The following SLC26A1 variants were observed in gnomAD, a reference collection of about 807,000 sequenced individuals.
SLC26A1 encodes solute carrier family 26 member 1, also known as sulfate anion transporter 1.
In SLC26A1, 18 loss-of-function variants were observed where a neutral mutation model predicts 14.5. The ratio of observed to expected loss-of-function variants is 1.24; its 90% confidence interval spans 0.86 to 1.84. The LOEUF (loss-of-function observed/expected upper bound fraction) is 1.84, where lower values mean the gene tolerates loss of function less well. SLC26A1 is among the 40% of genes most tolerant of loss of function. The probability of loss-of-function intolerance (pLI) is 0.00; values close to 1 mark genes in which losing one functional copy is unlikely to be tolerated. For missense variants in SLC26A1, 1,049 were observed against 1,020.0 expected, an observed-to-expected ratio of 1.03 and a Z score of -0.39; for synonymous variants, 505 against 492.0, an observed-to-expected ratio of 1.03 and a Z score of -0.35.
At position 989,921 on chromosome 4, in the gene SLC26A1, G is replaced by A. The variant is rs569131932; in HGVS notation, c.1018C>T (p.Arg340Cys). ...PQVPEPRLMQ[R>C]VALDAVALAL... ...AGGGCCACGGCATCCAAAGCCACAC[G>A]CTGCATCAGCCTGGGCTCTGGGACC... The change falls in exon 3 of 3, where the codon CGT becomes TGT. Residue 340 changes from arginine to cysteine, a missense_variant. Coordinates refer to ENST00000398516, the MANE Select transcript of SLC26A1 (RefSeq NM_022042.4). 5.5e-5 allele frequency: 86 copies of A among 1,559,650 alleles called. No individual in the cohort carries two copies. The East Asian group carries it at 1.7e-3, about 32-fold the overall frequency.
chr4:990,133 A>G lies in SLC26A1; in HGVS notation c.806T>C (p.Val269Ala), dbSNP rs1331401883. Residue 269 changes from valine to alanine, a missense_variant, in exon 3 of 3, where the codon GTG (valine) becomes GCG (alanine). By Grantham distance (64) the Val-to-Ala change is moderately conservative (BLOSUM62 0). Coordinates refer to ENST00000398516, the MANE Select transcript of SLC26A1 (RefSeq NM_022042.4). ...ANVCDVVTST[V>A]CLAVLLAAKE... Reference sequence around the variant, plus strand: ...CGCGGCTAGCAGCACCGCCAGGCACACCGTGCTGGTGACCACGTCGCACAC... The same window carrying G: ...CGCGGCTAGCAGCACCGCCAGGCACGCCGTGCTGGTGACCACGTCGCACAC... 3.2e-6 allele frequency: 5 copies of G among 1,572,972 alleles called. No individual in the cohort carries two copies. The highest frequency in any genetic ancestry group is 1.2e-5 in the South Asian group (1 of 85,958).
At position 990,149 on chromosome 4, in the gene SLC26A1, C is replaced by T. The variant is rs767213746; in HGVS notation, c.790G>A (p.Val264Met). ...RGAGQANVCD[V>M]VTSTVCLAVL... is the part of the protein sequence containing the mutation. ...GCCAGGCACACCGTGCTGGTGACCA[C>T]GTCGCACACGTTGGCCTGCCCGGCG... Residue 264 changes from valine (V) to methionine (M), a missense_variant, in exon 3 of 3, where the codon GTG (valine) becomes ATG (methionine). By Grantham distance (21) the Val-to-Met change is conservative. Coordinates refer to ENST00000398516, the MANE Select transcript of SLC26A1 (RefSeq NM_022042.4). 1.3e-5 allele frequency: 21 copies of T among 1,564,822 alleles called. No individual in the cohort carries two copies. Among genetic ancestry groups the T allele is most frequent in the African/African-American group, 5.4e-5 (4 of 73,918 alleles).
At position 991,289 on chromosome 4, in the gene SLC26A1, G is replaced by A. The variant is rs552862956; in HGVS notation, c.415C>T (p.Arg139Trp). The change falls in exon 2 of 3, where the codon CGG (arginine) becomes TGG (tryptophan). Residue 139 changes from arginine to tryptophan, a missense_variant. Physicochemically the swap from Arg to Trp is moderately radical, Grantham distance 101. Coordinates refer to ENST00000398516, the MANE Select transcript of SLC26A1 (RefSeq NM_022042.4). ...LCLMVGQVVD[R>W]ELQLAGFDPS... ...TCAAAGCCGGCCAGCTGGAGCTCCC[G>A]GTCCACCACCTGCCCCACCATGAGG... 2.9e-5 allele frequency: 46 copies of A among 1,612,558 alleles called. No homozygotes were observed. The highest frequency in any genetic ancestry group is 1.1e-4 in the East Asian group (5 of 44,884).
rs769929839 is a variant in SLC26A1, at chr4:989,035, C to T, written c.1904G>A (p.Arg635Gln). The change falls in exon 3 of 3, where the codon CGA (arginine) becomes CAA (glutamine). Residue 635 changes from arginine (R) to glutamine (Q), a missense_variant. Transcript: ENST00000398516. ...GCTGATGCCCAGGGCCCCGTAGTCTCGGCGCAGGTCCTGCAGCGTGCTCAC... is the reference window on the plus strand; with the variant it reads ...GCTGATGCCCAGGGCCCCGTAGTCTTGGCGCAGGTCCTGCAGCGTGCTCAC... ...AGVSTLQDLR[R>Q]DYGALGISLL... 11 of 1,580,846 alleles carry T rather than the reference C, an allele frequency of 7.0e-6. No individual in the cohort carries two copies. Among genetic ancestry groups the T allele is most frequent in the African/African-American group, 2.7e-5 (2 of 74,014 alleles).
chr4:983,659 T>A (rs1254520513), downstream of SLC26A1, among the ~76,000 whole-genome samples: 1 of 152,248 alleles, frequency 6.6e-6, no homozygotes, highest in Non-Finnish European at 1.5e-5. Context: ...CTCTGAAAGC[T>A]GCTGTGTCAC....
At chr4:980,137 C>T (rs1713494606) in intron 2 of SLC26A1, among the ~76,000 whole-genome samples, 2 of 152,168 alleles carry the variant, frequency 1.3e-5, no homozygotes, top group Middle Eastern at 3.2e-3. Flanking sequence ...CTTCCCTGGG[C>T]CCTGGGCTCG....
At chr4:987,272 T>A (rs1713806130), downstream of SLC26A1, 1 of 1,509,728 alleles carries the variant, frequency 6.6e-7, no homozygotes, top group Non-Finnish European at 8.8e-7. Context: ...CGGGACCCCC[T>A]GGCCGCACGG....
chr4:990,302 C>T lies in SLC26A1; in HGVS notation c.637G>A (p.Asp213Asn), dbSNP rs372848776. The T allele has an allele frequency of 3.5e-5, 56 of 1,604,606 alleles. 1 individual carries two copies. Among genetic ancestry groups the T allele is most frequent in the Middle Eastern group, 1.7e-4 (1 of 6,018 alleles). The change falls in exon 3 of 3, where the codon GAT (aspartate) becomes AAT (asparagine). Residue 213 changes from aspartate (D) to asparagine (N), a missense_variant. By Grantham distance (23) the Asp-to-Asn change is conservative. Transcript: ENST00000398516. ...VSAYLSQPLL[D>N]GFAMGASVTI... Reference sequence around the variant, plus strand: ...ACGGAGGCCCCCATGGCAAAGCCATCGAGCAGTGGCTGTGAGAGGTAGGCG... The same window carrying T: ...ACGGAGGCCCCCATGGCAAAGCCATTGAGCAGTGGCTGTGAGAGGTAGGCG...
At position 989,211 on chromosome 4, in the gene SLC26A1, C is replaced by G. The variant is rs1349632588; in HGVS notation, c.1728G>C (p.Gly576=). The change falls in exon 3 of 3, where the codon GGG becomes GGC. Residue 576 remains glycine (G), a synonymous_variant. Coordinates refer to ENST00000398516, the MANE Select transcript of SLC26A1 (RefSeq NM_022042.4). ...AGCMAARRKE[G]GSETGVGEGG... is the part of the protein sequence containing the mutation. ...CCTCACCGACCCCCGTCTCTGAGCCCCCCTCCTTCCTCCTGGCAGCCATGC... is the reference window on the plus strand; with the variant it reads ...CCTCACCGACCCCCGTCTCTGAGCCGCCCTCCTTCCTCCTGGCAGCCATGC... 3.1e-6 allele frequency: 5 copies of G among 1,609,854 alleles called. No homozygotes were observed. In the African/African-American group the frequency reaches 4.0e-5, roughly 13 times the overall value.
At chr4:983,299 C>A (rs1190903430), downstream of SLC26A1, among the ~76,000 whole-genome samples, 1 of 152,216 alleles carries the variant, frequency 6.6e-6, no homozygotes, top group East Asian at 1.9e-4. Flanking sequence ...TTGTCCCAGG[C>A]AGGTCGTAGA....
Position 987,699 on chromosome 4 carries a change from G to A in SLC26A1, c.*1134C>T. ...CATTTTATTAGTCACTGAACGCACGGGCAGCGCCTGGATCCTGCGCCCGGG... is the reference window on the plus strand; with the variant it reads ...CATTTTATTAGTCACTGAACGCACGAGCAGCGCCTGGATCCTGCGCCCGGG... On this transcript the variant is annotated 3_prime_UTR_variant, in exon 3 of 3. Coordinates refer to ENST00000398516, the MANE Select transcript of SLC26A1 (RefSeq NM_022042.4). The A allele has an allele frequency of 1.3e-6, 2 of 1,548,394 alleles. No individual in the cohort carries two copies. The highest frequency in any genetic ancestry group is 1.7e-6 in the Non-Finnish European group (2 of 1,146,066).
chr4:992,906 G>A (rs1334652847), intron 1 of SLC26A1: 1 of 152,266 alleles, frequency 6.6e-6, no homozygotes, highest in Non-Finnish European at 1.5e-5. Flanking sequence ...AGGACACCCT[G>A]GAGCCTGGGC....
rs769676234 is a variant in SLC26A1 at position 987,887 on chromosome 4, C to T, written c.*946G>A. 1.7e-5 allele frequency: 27 copies of T among 1,610,712 alleles called. No individual in the cohort carries two copies. The highest frequency in any genetic ancestry group is 3.3e-5 in the South Asian group (3 of 90,702). On this transcript the variant is annotated 3_prime_UTR_variant, in exon 3 of 3. Transcript: ENST00000398516. Reference sequence around the variant, plus strand: ...AGCTCAACCTCGCCTATGTGGGCGCCGTCCCTCACCGCGGCATCAAGCAGG... The same window carrying T: ...AGCTCAACCTCGCCTATGTGGGCGCTGTCCCTCACCGCGGCATCAAGCAGG...
rs189948598 is a variant in SLC26A1 at position 990,488 on chromosome 4, C to T, written c.577-126G>A. 7.4e-3 allele frequency: 7,119 copies of T among 955,696 alleles called. 27 individuals are homozygous for T. The highest frequency in any genetic ancestry group is 9.7e-3 in the Non-Finnish European group (6,409 of 658,702). 59.2% of individuals were successfully genotyped at this position (955,696 alleles called of 1,614,324 possible). On this transcript the variant is annotated intron_variant, in intron 2 of 2. Transcript: ENST00000398516. The stretch of plus-strand genomic sequence containing the variant: ...ACCTGACAATTCTGTGTTGCGGCCC[C>T]GTGTGTTCCAAACCAGACTCCTCAC...
Position 988,425 on chromosome 4 carries a change from C to T in SLC26A1, c.*408G>A, listed in dbSNP as rs951548931. 2 of 1,065,882 alleles carry T rather than the reference C, an allele frequency of 1.9e-6. No homozygotes were observed. Among genetic ancestry groups the T allele is most frequent in the East Asian group, 7.6e-5 (1 of 13,230 alleles). 66.0% of individuals were successfully genotyped at this position (1,065,882 alleles called of 1,614,324 possible). On this transcript the variant is annotated 3_prime_UTR_variant, in exon 3 of 3. Coordinates refer to ENST00000398516, the MANE Select transcript of SLC26A1 (RefSeq NM_022042.4). The stretch of plus-strand genomic sequence containing the variant: ...TCGTGCACTTGGCCAGAGCCGCTGG[C>T]TCCTACCAGCAGGGTGGGCACCGGG...
At position 988,940 on chromosome 4, in the gene SLC26A1, G is replaced by A. The variant is rs780940595; in HGVS notation, c.1999C>T (p.Pro667Ser). ...TGCTCCTCCTCAGCCGTGTCCCCGG[G>A]GCCCTCCCCGAGGAAGCCTCCTCTG... ...LSRGGFLGEG[P>S]GDTAEEEQLF... is the part of the protein sequence containing the mutation. The change falls in exon 3 of 3, where the codon CCC (proline) becomes TCC (serine). Residue 667 changes from proline to serine, a missense_variant. Physicochemically the swap from Pro to Ser is moderately conservative, Grantham distance 74. Transcript: ENST00000398516. 6.3e-7 allele frequency: 1 copy of A among 1,597,966 alleles called. No individual in the cohort carries two copies. Among genetic ancestry groups the A allele is most frequent in the South Asian group, 1.1e-5 (1 of 88,826 alleles).
intron 1 of SLC26A1, 111 bp from the exon 2 acceptor site, chr4:991,841 C>G: frequency 4.6e-6 from 7 of 1,529,154 alleles, no homozygotes; most frequent in Non-Finnish European, 6.1e-6. Flanking sequence ...CACCCAGGGC[C>G]GGGGATTGGT....
rs181078589 is a variant in SLC26A1 at position 979,270 on chromosome 4, G to A, written c.*136C>T. 8.2e-3 allele frequency: 5,197 copies of A among 633,354 alleles called. 319 individuals are homozygous for A. The South Asian group carries it at 0.092, about 11-fold the overall frequency. The allele number at this position is 633,354 out of a possible 1,614,324, so 39.2% of individuals were successfully genotyped here. A position where few individuals can be genotyped will look rare whatever the true frequency, so the allele number is the denominator to read the frequency against. On this transcript the variant is annotated 3_prime_UTR_variant, in exon 3 of 3. Coordinates refer to the SLC26A1 transcript ENST00000398520. ...CTTCTCTCCTCTGCAGGCTGGCCAGGTTGAGGGGCTGCCTTTTTTCCCCAG... is the reference window on the plus strand; with the variant it reads ...CTTCTCTCCTCTGCAGGCTGGCCAGATTGAGGGGCTGCCTTTTTTCCCCAG...
downstream of SLC26A1, chr4:987,281 G>T: frequency 6.7e-7 from 1 of 1,503,478 alleles, no homozygotes; most frequent in African/African-American, 1.4e-5. Flanking sequence ...CTGGCCGCAC[G>T]GGGAGAGCTC....
Sources: allele counts gnomAD v4.1 joint callset (sites outside exome capture counted in the v4.1 genomes callset), GRCh38; gene constraint gnomAD v4.1.1; transcripts MANE v1.5; gene names NCBI Gene and HGNC (gene_info 2026-07-23, HGNC 2026-07-21).